RBMS1: variants seen among roughly 807,000 people sequenced by gnomAD.
RBMS1 encodes the protein RNA binding motif single stranded interacting protein 1.
In RBMS1, 17 loss-of-function variants were observed where a neutral mutation model predicts 62.3. The ratio of observed to expected loss-of-function variants is 0.27; its 90% CI spans 0.19 to 0.41. The LOEUF (loss-of-function observed/expected upper bound fraction) is 0.41, where lower values mean the gene tolerates loss of function less well. RBMS1 is among the 10% of genes least tolerant of loss of function. RBMS1 has a pLI of 1.00. For synonymous variants in RBMS1, 172 were observed against 170.0 expected (o/e 1.01, Z -0.09); for missense variants, 334 against 504.5 (o/e 0.66, Z 3.24).
At position 160,286,980 on chromosome 2, in the gene RBMS1, C is replaced by T. The variant is rs78536405; in HGVS notation, c.745G>A (p.Glu249Lys). 14 of 1,611,970 alleles carry T rather than the reference C, an allele frequency of 8.7e-6. No homozygotes were observed. Among genetic ancestry groups the T allele is most frequent in the Non-Finnish European group, 1.2e-5 (14 of 1,179,676 alleles). ...AAGAAAGGACTTACAAGTCTCACCT[C>T]TCCTTCTCTATGCCATGGTCTTCCA... ...PNGRPWHREG[E>K]VRLAGMTLTY... Residue 249 changes from glutamate (E) to lysine (K), a missense_variant, in exon 7 of 14, where the codon GAG becomes AAG. Glu to Lys is a moderately conservative substitution (Grantham distance 56). Transcript: ENST00000348849.
At chr2:160,324,489 T>C (rs181714149) in intron 2 of RBMS1, among the ~76,000 whole-genome samples, 59 of 152,048 alleles carry the variant, frequency 3.9e-4, no homozygotes, top group African/African-American at 1.3e-3. Flanking sequence ...ATTTTATGAA[T>C]ATTATTAAAC....
intron 10 of RBMS1, 33 bp downstream of exon 10, chr2:160,281,281 T>TA: frequency 6.4e-7 from 1 of 1,554,698 alleles, no homozygotes; most frequent in Non-Finnish European, 8.8e-7. Context: ...AACTTACTTG[T>TA]AAAACACAAA....
chr2:160,304,958 G>A (rs1689421849), intron 4 of RBMS1, among the ~76,000 whole-genome samples: 2 of 152,034 alleles, frequency 1.3e-5, no homozygotes, highest in Admixed American at 6.5e-5. Context: ...GGGTTCAAGC[G>A]ATTCTCCTGC....
rs879067530 is a variant in RBMS1, at chr2:160,278,665, A to G, written c.952-7T>C. On this transcript the variant is annotated splice_polypyrimidine_tract_variant and splice_region_variant and intron_variant, in intron 10 of 13. Transcript: ENST00000348849. ...AGGGAGTTAACACGGCACCCTGGGG[A>G]GTTGGAGACAGGAGCAAAATTAGAC... The G allele has an allele frequency of 6.3e-7, 1 of 1,591,880 alleles. No individual in the cohort carries two copies. Among genetic ancestry groups the G allele is most frequent in the South Asian group, 1.1e-5 (1 of 88,706 alleles).
rs894496370 is a variant in RBMS1 at position 160,459,125 on chromosome 2, G to A, written c.75+34164C>T. Among the ~76,000 whole-genome samples the A allele has an allele frequency of 1.2e-4, 19 of 152,126 alleles. No homozygotes were observed. In the East Asian group the frequency reaches 3.1e-3, roughly 25 times the overall value. On this transcript the variant is annotated intron_variant, in intron 1 of 13. Coordinates refer to ENST00000348849, the MANE Select transcript of RBMS1 (RefSeq NM_016836.4). ...TTTTGAGATTGTTTGGGTTAGGGTC[G>A]GTCTCTATTTATGTTCCAAATAATC... is the stretch of plus-strand genomic sequence containing the variant.
chr2:160,396,550 C>CTTTTTTTTTTTTTTTT lies in RBMS1; in HGVS notation c.76-29175_76-29160dup, dbSNP rs59600753. 3.9e-5 allele frequency among the ~76,000 whole-genome samples: 3 copies of CTTTTTTTTTTTTTTTT among 77,850 alleles called. 1 individual carries two copies. Among genetic ancestry groups the CTTTTTTTTTTTTTTTT allele is most frequent in the Non-Finnish European group, 7.0e-5 (3 of 42,764 alleles). 51.1% of individuals were successfully genotyped at this position (77,850 alleles called of 152,430 possible). A position where few individuals can be genotyped will look rare whatever the true frequency, so the allele number is the denominator to read the frequency against. ...CTCTCCCAGGGACTTTTCTTTTTAT[C>CTTTTTTTTTTTTTTTT]TTTTTTTTTTTTTTTTTTTTTTTTT... On this transcript the variant is annotated intron_variant, in intron 1 of 13. Coordinates refer to ENST00000348849, the MANE Select transcript of RBMS1 (RefSeq NM_016836.4).
chr2:160,371,114 T>G (rs1217615527), intron 1 of RBMS1, among the ~76,000 whole-genome samples: 2 of 152,232 alleles, frequency 1.3e-5, no homozygotes, highest in African/African-American at 4.8e-5. Flanking sequence ...ATTCATAGAT[T>G]AAAATGCAAA....
At chr2:160,352,026 C>T (rs6432614) in intron 2 of RBMS1, among the ~76,000 whole-genome samples, 114,638 of 152,010 alleles carry the variant, frequency 0.75, 43,848 homozygotes, top group East Asian at 0.84. Flanking sequence ...TTTCCACAGA[C>T]ACATGAACCT....
chr2:160,392,284 C>T (rs1694904658), intron 1 of RBMS1, among the ~76,000 whole-genome samples: 2 of 152,138 alleles, frequency 1.3e-5, no homozygotes, highest in Admixed American at 6.5e-5. Flanking sequence ...TATGGTCTGC[C>T]GGTCAAACAC....
chr2:160,430,622 T>C (rs1341885468), intron 1 of RBMS1, among the ~76,000 whole-genome samples: 1 of 152,222 alleles, frequency 6.6e-6, no homozygotes, highest in Non-Finnish European at 1.5e-5. Context: ...CTAGTTAATC[T>C]AAACAATTGT....
Position 160,277,311 on chromosome 2 carries a change from G to T in RBMS1, c.1135C>A (p.Pro379Thr), listed in dbSNP as rs770631869. ...GGATGGTCTCTACCAACCTCAACAGGAACCGCTGTCGTCTGCATATGTGCA... is the reference window on the plus strand; with the variant it reads ...GGATGGTCTCTACCAACCTCAACAGTAACCGCTGTCGTCTGCATATGTGCA... ...QYAHMQTTAV[P>T]VEEASGQQQV... Residue 379 changes from proline (P) to threonine (T), a missense_variant, in exon 12 of 14, where the codon CCT (proline) becomes ACT (threonine). By Grantham distance (38) the Pro-to-Thr change is conservative (BLOSUM62 -1). Around this residue, in one of 3 missense-constraint regions of RBMS1, gnomAD observed 182 missense variants for 257.7 expected, o/e 0.71. Transcript: ENST00000348849. 2.5e-6 allele frequency: 4 copies of T among 1,610,856 alleles called. No individual in the cohort carries two copies. The highest frequency in any genetic ancestry group is 3.4e-6 in the Non-Finnish European group (4 of 1,177,358).
chr2:160,381,267 AC>A (rs1294249935), intron 1 of RBMS1, among the ~76,000 whole-genome samples: 1 of 152,092 alleles, frequency 6.6e-6, no homozygotes, highest in Non-Finnish European at 1.5e-5. Flanking sequence ...CTCTCTTTTT[AC>A]CCATTTTAGT....
At position 160,466,515 on chromosome 2, in the gene RBMS1, T is replaced by C. The variant is rs142809781; in HGVS notation, c.75+26774A>G. On this transcript the variant is annotated intron_variant, in intron 1 of 13. Transcript: ENST00000348849. ...ACAGTGAAGTCCTCAGCTTTTGTTT[T>C]TATCTGAAATACTCATTTCTCAAAT... is the stretch of plus-strand genomic sequence containing the variant. Among the ~76,000 whole-genome samples, 299 of 152,270 alleles carry C rather than the reference T, an allele frequency of 2.0e-3. 1 individual carries two copies. The highest frequency in any genetic ancestry group is 6.9e-3 in the African/African-American group (288 of 41,562).
chr2:160,370,876 T>C (rs1693688554), intron 1 of RBMS1, among the ~76,000 whole-genome samples: 1 of 144,814 alleles, frequency 6.9e-6, no homozygotes, highest in South Asian at 2.1e-4. Flanking sequence ...TTTAAGAAAG[T>C]AAAAGGTGCC....
At chr2:160,329,188 G>A (rs1324323309) in intron 2 of RBMS1, among the ~76,000 whole-genome samples, 2 of 152,152 alleles carry the variant, frequency 1.3e-5, no homozygotes, top group East Asian at 1.9e-4. Flanking sequence ...AAGCCAGTCT[G>A]AAGAACAGAC....
chr2:160,446,892 G>A lies in RBMS1; in HGVS notation c.75+46397C>T, dbSNP rs114806227. On this transcript the variant is annotated intron_variant, in intron 1 of 13. Transcript: ENST00000348849. ...CTGCCCTCTACTGCCGCTGCACCCTGGCCACACCAGACTACTGATTGGCGC... is the reference window on the plus strand; with the variant it reads ...CTGCCCTCTACTGCCGCTGCACCCTAGCCACACCAGACTACTGATTGGCGC... Among the ~76,000 whole-genome samples the A allele has an allele frequency of 7.3e-3, 1,118 of 152,156 alleles. 18 individuals are homozygous for A. Among genetic ancestry groups the A allele is most frequent in the African/African-American group, 0.024 (1,010 of 41,512 alleles).
intron 1 of RBMS1, among the ~76,000 whole-genome samples, chr2:160,457,117 T>A (rs555737673): frequency 4.5e-5 from 5 of 110,736 alleles, no homozygotes; most frequent in South Asian, 2.6e-4. Flanking sequence ...TATTTTTATT[T>A]ATTTAATTAA....
chr2:160,293,810 C>G (rs1452982823), intron 6 of RBMS1, among the ~76,000 whole-genome samples: 2 of 152,132 alleles, frequency 1.3e-5, no homozygotes, highest in African/African-American at 2.4e-5. Context: ...CCAGGAAGGT[C>G]CTAGAAGAGC....
intron 1 of RBMS1, among the ~76,000 whole-genome samples, chr2:160,426,768 C>T (rs1682647433): frequency 6.6e-6 from 1 of 152,186 alleles, no homozygotes; most frequent in Non-Finnish European, 1.5e-5. Flanking sequence ...GTGCCGCCAC[C>T]TCATTCCGGG....
Sources: allele counts gnomAD v4.1 joint callset (sites outside exome capture counted in the v4.1 genomes callset), GRCh38; gene constraint gnomAD v4.1.1; regional missense constraint gnomAD v4.1.1; transcripts MANE v1.5; gene names NCBI Gene and HGNC (gene_info 2026-07-23, HGNC 2026-07-21).